The following FBXO4 variants were observed in gnomAD, a reference collection of about 807,000 sequenced individuals.
FBXO4 encodes F-box only protein 4.
Under a neutral mutation model 43.7 loss-of-function variants are expected in FBXO4, and 36 were observed. That is an observed-to-expected ratio of 0.82 (90% CI 0.63 to 1.09). The LOEUF (loss-of-function observed/expected upper bound fraction) is 1.09. Among genes scored for constraint, FBXO4 ranks in the 50% least tolerant of loss-of-function variants. FBXO4 has a pLI of 0.00. For missense variants in FBXO4, 435 were observed against 474.1 expected (o/e 0.92, Z 0.77); for synonymous variants, 180 against 165.6 (o/e 1.09, Z -0.67).
the FBXO4 span, among the ~76,000 whole-genome samples, chr5:41,987,918 A>T: frequency 2.6e-5 from 4 of 152,044 alleles, no homozygotes; most frequent in Non-Finnish European, 4.4e-5. Flanking sequence ...TACCATATTA[A>T]TCATAGTGGT....
chr5:41,956,256 T>C, the FBXO4 span, among the ~76,000 whole-genome samples: 11,959 of 152,110 alleles, frequency 0.079, 668 homozygotes, highest in African/African-American at 0.15. Flanking sequence ...AATAGAAACA[T>C]AGAAGACAGC....
the FBXO4 span, among the ~76,000 whole-genome samples, chr5:41,977,314 C>G: frequency 2.0e-5 from 3 of 152,128 alleles, no homozygotes; most frequent in Non-Finnish European, 2.9e-5. Flanking sequence ...TTTTTTTTCT[C>G]TGCCACATGG....
At chr5:41,965,186 A>G in the FBXO4 span, among the ~76,000 whole-genome samples, 1 of 152,160 alleles carries the variant, frequency 6.6e-6, no homozygotes, top group Non-Finnish European at 1.5e-5. Flanking sequence ...CAAAGATCAG[A>G]TGGTTGTAGA....
chr5:42,029,783 T>G, the FBXO4 span, among the ~76,000 whole-genome samples: 1 of 152,038 alleles, frequency 6.6e-6, no homozygotes, highest in Admixed American at 6.6e-5. Context: ...TTTTTTCCAC[T>G]CCAGAATTTC....
chr5:41,927,314 C>T (rs1751539084), intron 2 of FBXO4, 66 bp downstream of exon 2: 2 of 1,168,230 alleles, frequency 1.7e-6, no homozygotes, highest in Admixed American at 2.4e-5. Flanking sequence ...AGTCAATATC[C>T]AAGTTAATCC....
chr5:42,024,763 GTTTTGAT>G, the FBXO4 span, among the ~76,000 whole-genome samples: 96 of 151,974 alleles, frequency 6.3e-4, 1 homozygote, highest in South Asian at 0.016. Context: ...GAGTTCAATT[GTTTTGAT>G]TTTTAGATCC....
the FBXO4 span, among the ~76,000 whole-genome samples, chr5:42,024,175 T>G: frequency 6.6e-6 from 1 of 152,086 alleles, no homozygotes; most frequent in African/African-American, 2.4e-5. Context: ...AAATGAAAAT[T>G]TAATCTAATA....
chr5:41,938,175 A>T (rs564438763), intron 5 of FBXO4, among the ~76,000 whole-genome samples: 2 of 152,220 alleles, frequency 1.3e-5, no homozygotes, highest in Admixed American at 6.5e-5. Flanking sequence ...ATAGTGTATT[A>T]TACATGTATG....
Position 41,926,994 on chromosome 5 carries a change from C to A in FBXO4, c.190-19C>A. 1 of 1,483,060 alleles carries A rather than the reference C, an allele frequency of 6.7e-7. No homozygotes were observed. The highest frequency in any genetic ancestry group is 9.1e-7 in the Non-Finnish European group (1 of 1,093,630). 91.9% of individuals were successfully genotyped at this position (1,483,060 alleles called of 1,614,324 possible). A position where few individuals can be genotyped will look rare whatever the true frequency, so the allele number is the denominator to read the frequency against. Reference sequence around the variant, plus strand: ...TTTCTTCATTCCTTTTTCCTACCTGCTGCTTTCTTCTGTTTCAGATTGATG... The same window carrying A: ...TTTCTTCATTCCTTTTTCCTACCTGATGCTTTCTTCTGTTTCAGATTGATG... On this transcript the variant is annotated intron_variant, in intron 1 of 6. Coordinates refer to ENST00000281623, the MANE Select transcript of FBXO4 (RefSeq NM_012176.3).
chr5:41,994,874 A>G, the FBXO4 span, among the ~76,000 whole-genome samples: 4 of 152,088 alleles, frequency 2.6e-5, no homozygotes, highest in African/African-American at 9.7e-5. Flanking sequence ...ATTTTGCACC[A>G]TCACTAGGGG....
chr5:41,950,047 C>T, the FBXO4 span, among the ~76,000 whole-genome samples: 1 of 152,152 alleles, frequency 6.6e-6, no homozygotes, highest in African/African-American at 2.4e-5. Context: ...TTCCTTACAC[C>T]TTATACAAAA....
At chr5:41,942,257 A>G (rs145836970), downstream of FBXO4, among the ~76,000 whole-genome samples, 574 of 152,226 alleles carry the variant, frequency 3.8e-3, 3 homozygotes, top group Middle Eastern at 0.014. Context: ...AGAAAGACCT[A>G]TGAACATATG....
the FBXO4 span, among the ~76,000 whole-genome samples, chr5:42,006,929 CACAT>C: frequency 1.9e-3 from 175 of 93,606 alleles, no homozygotes; most frequent in African/African-American, 7.5e-3. Context: ...TATATACACA[CACAT>C]ACATACATAT....
the FBXO4 span, among the ~76,000 whole-genome samples, chr5:42,039,586 A>C: frequency 6.6e-6 from 1 of 152,182 alleles, no homozygotes; most frequent in African/African-American, 2.4e-5. Context: ...CTGGTGACAG[A>C]TGTACTCTGG....
chr5:41,965,038 TCCATCTTGAATTAATTTTTGTA>T, the FBXO4 span, among the ~76,000 whole-genome samples: 1 of 152,226 alleles, frequency 6.6e-6, no homozygotes, highest in Admixed American at 6.5e-5. Context: ...AAGTTTTTTA[TCCATCTTGAATTAATTTTTGTA>T]TAAGGTGTAA....
At chr5:42,031,176 C>T in the FBXO4 span, among the ~76,000 whole-genome samples, 1 of 151,774 alleles carries the variant, frequency 6.6e-6, no homozygotes, top group Non-Finnish European at 1.5e-5. Context: ...TATAGTGGCA[C>T]TATTCACAAT....
At chr5:41,996,171 C>A in the FBXO4 span, among the ~76,000 whole-genome samples, 1 of 152,154 alleles carries the variant, frequency 6.6e-6, no homozygotes, top group African/African-American at 2.4e-5. Flanking sequence ...CTTACTTGTG[C>A]CTTCAGGACC....
At chr5:41,973,808 G>T in the FBXO4 span, among the ~76,000 whole-genome samples, 1 of 152,202 alleles carries the variant, frequency 6.6e-6, no homozygotes, top group East Asian at 1.9e-4. Flanking sequence ...TACATAATGG[G>T]TTGATAATGG....
the FBXO4 span, among the ~76,000 whole-genome samples, chr5:41,980,343 GTGT>G: frequency 4.6e-5 from 7 of 152,250 alleles, no homozygotes; most frequent in African/African-American, 1.7e-4. Flanking sequence ...ATACTTTCTT[GTGT>G]TATCATTTCT....
Sources: gnomAD v4.1 joint callset for allele counts (sites outside exome capture counted in the v4.1 genomes callset) on GRCh38, gnomAD v4.1.1 for gene constraint, MANE v1.5 for transcripts, NCBI Gene and HGNC (gene_info 2026-07-23, HGNC 2026-07-21) for gene names.